The following ITIH2 variants were observed in gnomAD, a reference collection of about 807,000 sequenced individuals.
The protein encoded by ITIH2 is inter-alpha-trypsin inhibitor heavy chain H2.
In ITIH2, 103 loss-of-function variants were observed where a neutral mutation model predicts 104.4. The observed-to-expected ratio is 0.99, with a 90% CI of 0.84 to 1.16. ITIH2 has a LOEUF of 1.16. Among genes scored for constraint, ITIH2 ranks in the 50% most tolerant of loss-of-function variants. ITIH2 has a pLI of 0.00. For missense variants in ITIH2, 1,108 were observed against 1,162.4 expected, an observed-to-expected ratio of 0.95 and a Z score of 0.68; for synonymous variants, 436 against 435.4, an observed-to-expected ratio of 1.00 and a Z score of -0.02.
At chr10:7,717,893 C>T in intron 6 of ITIH2, 105 bp downstream of exon 6, 1 of 1,138,466 alleles carries the variant, frequency 8.8e-7, no homozygotes, top group Non-Finnish European at 1.3e-6. Context: ...TTGGATGCCA[C>T]TCAACTCTAC....
At chr10:7,732,995 G>A (rs970331040) in intron 14 of ITIH2, among the ~76,000 whole-genome samples, 4 of 152,018 alleles carry the variant, frequency 2.6e-5, no homozygotes, top group African/African-American at 9.7e-5. Flanking sequence ...CCAAAGTACT[G>A]GGATTACAGG....
chr10:7,718,490 GAA>G (rs1834872125), intron 6 of ITIH2, among the ~76,000 whole-genome samples: 1 of 152,100 alleles, frequency 6.6e-6, no homozygotes, highest in Admixed American at 6.5e-5. Context: ...TCTCATCTAT[GAA>G]AAGAGTACTG....
At chr10:7,712,192 T>C (rs1323179159) in intron 4 of ITIH2, among the ~76,000 whole-genome samples, 2 of 152,200 alleles carry the variant, frequency 1.3e-5, no homozygotes, top group Non-Finnish European at 2.9e-5. Flanking sequence ...TTAAAATTCA[T>C]AGTTCTGAAG....
rs371641777 is a variant in ITIH2 at position 7,743,220 on chromosome 10, C to T, written c.2170C>T (p.Pro724Ser). 7.5e-6 allele frequency: 12 copies of T among 1,594,334 alleles called. No homozygotes were observed. The highest frequency in any genetic ancestry group is 1.7e-4 in the Middle Eastern group (1 of 6,060). Residue 724 changes from proline (P) to serine (S), a missense_variant, in exon 17 of 21, where the codon CCT becomes TCT. Physicochemically the swap from Pro to Ser is moderately conservative, Grantham distance 74. Coordinates refer to ENST00000358415, the MANE Select transcript of ITIH2 (RefSeq NM_002216.3). ...KNICFNIDSEPGKILNLVSDP... is the reference protein window; with the variant it reads ...KNICFNIDSESGKILNLVSDP... The stretch of plus-strand genomic sequence containing the variant: ...CATTTGTTTCAATATTGACTCAGAA[C>T]CTGGAAAAATCCTCAACCTGGTTTC...
At chr10:7,715,760 GAA>G (rs772880918) in intron 5 of ITIH2, among the ~76,000 whole-genome samples, 134 of 152,276 alleles carry the variant, frequency 8.8e-4, no homozygotes, top group Non-Finnish European at 1.6e-3. Flanking sequence ...CTTTTGAAAT[GAA>G]ATTTCACTCT....
chr10:7,707,067 C>T (rs2131151552), intron 2 of ITIH2, 134 bp from the exon 3 acceptor site: 2 of 516,132 alleles, frequency 3.9e-6, no homozygotes, highest in Admixed American at 3.2e-5. Context: ...ATTTATGTCT[C>T]AACTCCAGTG....
chr10:7,716,873 C>T (rs1433855687), intron 5 of ITIH2, among the ~76,000 whole-genome samples: 1 of 151,692 alleles, frequency 6.6e-6, no homozygotes, highest in African/African-American at 2.4e-5. Context: ...ATCTTTGAAC[C>T]ACCCAACCTT....
intron 3 of ITIH2, among the ~76,000 whole-genome samples, chr10:7,708,589 G>T (rs1311370063): frequency 1.3e-5 from 2 of 152,120 alleles, no homozygotes; most frequent in African/African-American, 2.4e-5. Flanking sequence ...CCACCCCACA[G>T]CACCCCTGTG....
intron 9 of ITIH2, among the ~76,000 whole-genome samples, chr10:7,724,378 C>T (rs1260494181): frequency 6.6e-6 from 1 of 151,976 alleles, no homozygotes; most frequent in Non-Finnish European, 1.5e-5. Context: ...TGAGACCAGC[C>T]TGACCAACAT....
In ITIH2 at chr10:7,720,970, T is replaced by A. The variant is rs191142071; in HGVS notation, c.738+7T>A. On this transcript the variant is annotated splice_region_variant and intron_variant, in intron 7 of 20. Transcript: ENST00000358415. ...TTCTAAAGGACAACAGAAGGTACCC[T>A]GAGCCCTGTGTGTTGCCAGGCATTC... The A allele has an allele frequency of 3.1e-5, 49 of 1,565,616 alleles. No individual in the cohort carries two copies. The East Asian group carries it at 1.1e-3, about 34-fold the overall frequency.
intron 16 of ITIH2, 24 bp downstream of exon 16, chr10:7,738,782 C>G (rs767327283): frequency 7.7e-6 from 12 of 1,551,334 alleles, no homozygotes; most frequent in Non-Finnish European, 7.8e-6. Flanking sequence ...ACTGCTTGCA[C>G]GTCCCAGAAC....
Position 7,735,062 on chromosome 10 carries a change from C to G in ITIH2, c.1928C>G (p.Ala643Gly). The G allele has an allele frequency of 6.2e-7, 1 of 1,611,078 alleles. No homozygotes were observed. Among genetic ancestry groups the G allele is most frequent in the Non-Finnish European group, 8.5e-7 (1 of 1,179,854 alleles). The change falls in exon 15 of 21, where the codon GCC becomes GGC. Residue 643 changes from alanine (A) to glycine (G), a missense_variant. Transcript: ENST00000358415. ...EAGDERMLAD[A>G]PPQDPSCCSG... ...GGGGATGAGCGCATGCTGGCGGATG[C>G]CCCACCGCAGGATCCCTCCTGCTGC...
chr10:7,749,362 A>G lies in ITIH2; in HGVS notation c.*28A>G, dbSNP rs1564309666. 6.4e-7 allele frequency: 1 copy of G among 1,562,406 alleles called. No individual in the cohort carries two copies. The highest frequency in any genetic ancestry group is 1.1e-5 in the South Asian group (1 of 88,172). ...GTTTATAGTTTGGGAAATTATATAT[A>G]TTAATATACATCTTTCCCCTGTCAC... On this transcript the variant is annotated 3_prime_UTR_variant, in exon 21 of 21. Transcript: ENST00000358415.
rs1351204836 is a variant in ITIH2, at chr10:7,738,702, T to C, written c.2039T>C (p.Met680Thr). The change falls in exon 16 of 21, where the codon ATG becomes ACG. Residue 680 changes from methionine (M) to threonine (T), a missense_variant. Met to Thr is a moderately conservative substitution (Grantham distance 81). Coordinates refer to ENST00000358415, the MANE Select transcript of ITIH2 (RefSeq NM_002216.3). ...ANPSPTPVIS[M>T]LAQGSQVLES... ...CCTTCACCAACGCCCGTGATCTCCA[T>C]GCTGGCACAAGGATCTCAGGTGCTA... 1.9e-6 allele frequency: 3 copies of C among 1,613,702 alleles called. No individual in the cohort carries two copies. The highest frequency in any genetic ancestry group is 1.3e-5 in the African/African-American group (1 of 74,984).
chr10:7,712,677 G>A (rs1834807271), intron 4 of ITIH2, among the ~76,000 whole-genome samples: 1 of 152,134 alleles, frequency 6.6e-6, no homozygotes, highest in Non-Finnish European at 1.5e-5. Context: ...CCCCTCTCAA[G>A]CCACACTATC....
intron 9 of ITIH2, among the ~76,000 whole-genome samples, chr10:7,725,659 C>T (rs1032838456): frequency 6.6e-6 from 1 of 152,212 alleles, no homozygotes; most frequent in African/African-American, 2.4e-5. Context: ...TGTAATCAGA[C>T]ATTGCAGGGA....
chr10:7,740,730 T>C (rs143028400), intron 16 of ITIH2, among the ~76,000 whole-genome samples: 1 of 152,194 alleles, frequency 6.6e-6, no homozygotes, highest in African/African-American at 2.4e-5. Context: ...ACCTTGTCCA[T>C]ACACTGAAAT....
intron 6 of ITIH2, 107 bp downstream of exon 6, chr10:7,717,895 C>A: frequency 9.0e-7 from 1 of 1,112,998 alleles, no homozygotes; most frequent in Non-Finnish European, 1.3e-6. Context: ...GGATGCCACT[C>A]AACTCTACAA....
chr10:7,720,656 G>A (rs532134408), intron 6 of ITIH2, among the ~76,000 whole-genome samples, 200 bp from the exon 7 acceptor site: 6 of 152,190 alleles, frequency 3.9e-5, no homozygotes, highest in African/African-American at 1.2e-4. Flanking sequence ...GCTCTGAGTC[G>A]ACAGAAGGGG....
Sources: gnomAD v4.1 joint callset for allele counts (sites outside exome capture counted in the v4.1 genomes callset) on GRCh38, gnomAD v4.1.1 for gene constraint, MANE v1.5 for transcripts, NCBI Gene and HGNC (gene_info 2026-07-23, HGNC 2026-07-21) for gene names.